Variants in ATP8A2 observed in about 807,000 individuals in gnomAD.
The protein encoded by ATP8A2 is ATPase phospholipid transporting 8A2, also known as phospholipid-transporting ATPase IB.
In ATP8A2, 100 loss-of-function variants were observed where a neutral mutation model predicts 165.6. The observed-to-expected ratio is 0.60, with a 90% CI of 0.51 to 0.71. The LOEUF (loss-of-function observed/expected upper bound fraction) is 0.71, where lower values mean the gene tolerates loss of function less well. Ranked by LOEUF, ATP8A2 falls within the 30% of genes least tolerant of loss-of-function variation. ATP8A2 has a pLI of 0.00. For synonymous variants in ATP8A2, 543 were observed against 548.8 expected, an observed-to-expected ratio of 0.99 and a Z score of 0.15; for missense variants, 1,227 against 1,479.5, an observed-to-expected ratio of 0.83 and a Z score of 2.80.
intron 23 of ATP8A2, among the ~76,000 whole-genome samples, chr13:25,582,819 T>C (rs186727530): frequency 1.3e-5 from 2 of 152,348 alleles, no homozygotes; most frequent in African/African-American, 4.8e-5. Flanking sequence ...ATCAGCTTTG[T>C]CTCTCATGTA....
intron 24 of ATP8A2, among the ~76,000 whole-genome samples, chr13:25,654,916 A>T (rs780316793): frequency 6.6e-6 from 1 of 152,158 alleles, no homozygotes; most frequent in Non-Finnish European, 1.5e-5. Context: ...ACTGTTTTCA[A>T]CAGAAGTCTC....
At chr13:25,923,153 G>A (rs1954508648) in intron 33 of ATP8A2, among the ~76,000 whole-genome samples, 1 of 152,120 alleles carries the variant, frequency 6.6e-6, no homozygotes, top group African/African-American at 2.4e-5. Context: ...CACCAGAAAA[G>A]GATTGCAATT....
intron 33 of ATP8A2, among the ~76,000 whole-genome samples, chr13:25,896,830 G>A (rs1315343428): frequency 6.6e-6 from 1 of 152,096 alleles, no homozygotes; most frequent in Non-Finnish European, 1.5e-5. Context: ...TTTAAAGTCT[G>A]TTTTATCAGA....
At chr13:25,552,943 GA>G (rs1271072751) in intron 11 of ATP8A2, among the ~76,000 whole-genome samples, 1 of 151,912 alleles carries the variant, frequency 6.6e-6, no homozygotes. Context: ...AATTTCCTGG[GA>G]AAAAACCTAG....
At chr13:25,592,990 A>C (rs2040131922) in intron 24 of ATP8A2, among the ~76,000 whole-genome samples, 1 of 152,168 alleles carries the variant, frequency 6.6e-6, no homozygotes, top group East Asian at 1.9e-4. Context: ...TTCATTATTC[A>C]AAAGGACACT....
intron 24 of ATP8A2, among the ~76,000 whole-genome samples, chr13:25,671,269 A>G (rs1020216072): frequency 1.3e-5 from 2 of 152,144 alleles, no homozygotes; most frequent in Admixed American, 6.5e-5. Context: ...GAGGATGTAT[A>G]TCGCCTCAGG....
chr13:25,814,135 T>A (rs1273383398), intron 27 of ATP8A2, among the ~76,000 whole-genome samples: 1 of 150,014 alleles, frequency 6.7e-6, no homozygotes. Flanking sequence ...ATTAAGTGCT[T>A]GTTAATGTCT....
At chr13:25,449,347 C>T (rs2035152184) in intron 1 of ATP8A2, among the ~76,000 whole-genome samples, 2 of 152,118 alleles carry the variant, frequency 1.3e-5, no homozygotes, top group African/African-American at 4.8e-5. Context: ...TTTGTTTACC[C>T]TACAGTTTAG....
intron 33 of ATP8A2, among the ~76,000 whole-genome samples, chr13:25,946,856 T>C (rs928142788): frequency 6.6e-6 from 1 of 152,162 alleles, no homozygotes; most frequent in African/African-American, 2.4e-5. Flanking sequence ...GGAGCAATTC[T>C]CCTGCCTCAG....
intron 24 of ATP8A2, among the ~76,000 whole-genome samples, chr13:25,600,326 G>A (rs2040349426): frequency 6.6e-6 from 1 of 152,172 alleles, no homozygotes. Flanking sequence ...CCCCTCTCCT[G>A]CTGGCAGGGC....
chr13:25,406,696 G>GCCTCAT (rs1409890956), intron 1 of ATP8A2, among the ~76,000 whole-genome samples: 1 of 152,218 alleles, frequency 6.6e-6, no homozygotes, highest in East Asian at 1.9e-4. Context: ...GGAATCTCCT[G>GCCTCAT]CCTCATCTCC....
At chr13:25,526,293 T>G (rs570467157) in intron 2 of ATP8A2, among the ~76,000 whole-genome samples, 38 of 152,088 alleles carry the variant, frequency 2.5e-4, no homozygotes, top group Non-Finnish European at 5.1e-4. Context: ...CTTGTTAGGG[T>G]TAGTCACTGG....
intron 25 of ATP8A2, among the ~76,000 whole-genome samples, chr13:25,751,636 A>C (rs1000962986): frequency 2.0e-5 from 3 of 152,004 alleles, no homozygotes; most frequent in Admixed American, 6.5e-5. Context: ...AGGTCTCGCT[A>C]TGTTGCCCAG....
At chr13:25,782,099 A>G (rs2044894442) in intron 27 of ATP8A2, among the ~76,000 whole-genome samples, 1 of 152,246 alleles carries the variant, frequency 6.6e-6, no homozygotes. Context: ...CATATAATGC[A>G]TGACTTAACT....
chr13:25,717,269 GAA>G (rs1461799836), intron 25 of ATP8A2, among the ~76,000 whole-genome samples: 2 of 152,160 alleles, frequency 1.3e-5, no homozygotes, highest in Non-Finnish European at 2.9e-5. Flanking sequence ...AGTCACATAT[GAA>G]AGGTAATAGT....
intron 24 of ATP8A2, among the ~76,000 whole-genome samples, chr13:25,608,756 C>A (rs67280567): frequency 0.16 from 24,323 of 152,176 alleles, 2,422 homozygotes; most frequent in Non-Finnish European, 0.24. Context: ...CATTTGCATA[C>A]TTCTCAAGCA....
chr13:26,020,195 G>T lies in ATP8A2; in HGVS notation c.*210G>T. On this transcript the variant is annotated 3_prime_UTR_variant, in exon 37 of 37. Coordinates refer to ENST00000381655, the MANE Select transcript of ATP8A2 (RefSeq NM_016529.6). Reference sequence around the variant, plus strand: ...GAAGCTATCTTTGCCCTCCCAACTCGTCTGCAGTGCTTAGCCTAACTTTTG... The same window carrying T: ...GAAGCTATCTTTGCCCTCCCAACTCTTCTGCAGTGCTTAGCCTAACTTTTG... 1.7e-6 allele frequency: 1 copy of T among 582,004 alleles called. No individual in the cohort carries two copies. Among genetic ancestry groups the T allele is most frequent in the South Asian group, 2.1e-5 (1 of 47,316 alleles). 36.1% of individuals were successfully genotyped at this position (582,004 alleles called of 1,614,324 possible).
intron 15 of ATP8A2, among the ~76,000 whole-genome samples, chr13:25,563,063 A>G (rs538253487): frequency 2.6e-4 from 40 of 152,234 alleles, no homozygotes; most frequent in Non-Finnish European, 4.8e-4. Flanking sequence ...TAAGACTAAC[A>G]TACACTCTGC....
intron 1 of ATP8A2, among the ~76,000 whole-genome samples, chr13:25,429,398 AAAG>A (rs1377294045): frequency 1.6e-5 from 2 of 128,734 alleles, no homozygotes; most frequent in Non-Finnish European, 3.5e-5. Flanking sequence ...AAAAAAAAAA[AAAG>A]AAGTAATCTT....
Sources: allele counts gnomAD v4.1 joint callset (sites outside exome capture counted in the v4.1 genomes callset), GRCh38; gene constraint gnomAD v4.1.1; transcripts MANE v1.5; gene names NCBI Gene and HGNC (gene_info 2026-07-23, HGNC 2026-07-21).